The following ZNF566 variants were observed in gnomAD, a reference collection of about 807,000 sequenced individuals.
The protein encoded by ZNF566 is zinc finger protein 566.
ZNF566 carries 27 observed loss-of-function variants against 32.8 expected under a neutral mutation model. The observed-to-expected ratio is 0.82, with a 90% CI of 0.61 to 1.14. The LOEUF (loss-of-function observed/expected upper bound fraction) is 1.14. Ranked by LOEUF, ZNF566 falls within the 50% of genes most tolerant of loss-of-function variation. The pLI is 0.00. For missense variants in ZNF566, 402 were observed against 490.4 expected, an observed-to-expected ratio of 0.82 and a Z score of 1.70; for synonymous variants, 154 against 159.5, an observed-to-expected ratio of 0.97 and a Z score of 0.26.
chr19:36,475,616 C>G (rs749840352), intron 2 of ZNF566, among the ~76,000 whole-genome samples: 10 of 152,144 alleles, frequency 6.6e-5, no homozygotes, highest in Non-Finnish European at 1.5e-4. Flanking sequence ...ATGTGGGGAA[C>G]ACATTTCTGC....
At chr19:36,480,671 C>A (rs528781753) in intron 1 of ZNF566, among the ~76,000 whole-genome samples, 4 of 150,584 alleles carry the variant, frequency 2.7e-5, no homozygotes, top group African/African-American at 9.8e-5. Flanking sequence ...AAAAAATTAA[C>A]CTTTACCCCA....
At position 36,447,266 on chromosome 19, in the gene ZNF566, C is replaced by T. The variant is rs1225823085; in HGVS notation, c.*1711G>A. ...TCCTGGCCTCAAATGATCCTTCCAT[C>T]TCAGCCTCCCAAAGTGCTGGGATTA... On this transcript the variant is annotated 3_prime_UTR_variant, in exon 5 of 5. Transcript: ENST00000452939. 2 of 152,218 alleles carry T rather than the reference C, an allele frequency of 1.3e-5. No homozygotes were observed. Among genetic ancestry groups the T allele is most frequent in the African/African-American group, 2.4e-5 (1 of 41,454 alleles). The allele number at this position is 152,218 out of a possible 1,614,324, so 9.4% of individuals were successfully genotyped here.
chr19:36,458,393 C>A (rs1279011857), intron 4 of ZNF566, among the ~76,000 whole-genome samples: 1 of 151,912 alleles, frequency 6.6e-6, no homozygotes, highest in Non-Finnish European at 1.5e-5. Context: ...GTGAAATAAG[C>A]CAGGCACAGA....
chr19:36,461,140 C>T (rs902561415), intron 4 of ZNF566, among the ~76,000 whole-genome samples: 2 of 152,148 alleles, frequency 1.3e-5, no homozygotes, highest in African/African-American at 2.4e-5. Flanking sequence ...AGACAGCTGT[C>T]ATGTGAGAAT....
At chr19:36,465,750 G>A (rs1037889045) in intron 4 of ZNF566, among the ~76,000 whole-genome samples, 4 of 152,008 alleles carry the variant, frequency 2.6e-5, no homozygotes, top group African/African-American at 4.8e-5. Context: ...TGGGATTACA[G>A]GTGTTAGCCA....
intron 4 of ZNF566, among the ~76,000 whole-genome samples, chr19:36,453,556 A>G (rs1175862921): frequency 6.6e-6 from 1 of 151,162 alleles, no homozygotes; most frequent in East Asian, 1.9e-4. Context: ...ACCTACAATC[A>G]TTTGCTAATA....
intron 2 of ZNF566, 78 bp downstream of exon 2, chr19:36,476,471 C>A: frequency 7.4e-7 from 1 of 1,348,832 alleles, no homozygotes; most frequent in Non-Finnish European, 1.0e-6. Flanking sequence ...CAAAAAGCAT[C>A]ATCATGAGGA....
chr19:36,471,630 C>G (rs2033768322), intron 4 of ZNF566, among the ~76,000 whole-genome samples: 1 of 152,110 alleles, frequency 6.6e-6, no homozygotes, highest in African/African-American at 2.4e-5. Flanking sequence ...TATCCCCTTC[C>G]TCTACTTCTT....
At chr19:36,482,217 T>G (rs1462239837) in intron 1 of ZNF566, among the ~76,000 whole-genome samples, 1 of 152,234 alleles carries the variant, frequency 6.6e-6, no homozygotes, top group Admixed American at 6.5e-5. Flanking sequence ...GCCATTCTCC[T>G]GCCTCAGCCT....
intron 4 of ZNF566, among the ~76,000 whole-genome samples, chr19:36,459,818 AC>A (rs1029933567): frequency 5.8e-5 from 6 of 103,870 alleles, no homozygotes; most frequent in African/African-American, 1.8e-4. Context: ...GCCACCTATT[AC>A]TTTTTTTTTT....
chr19:36,466,958 A>C (rs2033628050), intron 4 of ZNF566, among the ~76,000 whole-genome samples: 1 of 150,266 alleles, frequency 6.7e-6, no homozygotes, highest in African/African-American at 2.5e-5. Context: ...AGTCCCAGCT[A>C]TTTGGGAGGC....
intron 4 of ZNF566, among the ~76,000 whole-genome samples, chr19:36,461,012 C>T (rs752237926): frequency 3.3e-5 from 5 of 152,140 alleles, no homozygotes; most frequent in Non-Finnish European, 7.3e-5. Context: ...TGCAAATGTA[C>T]ATTGCAGCTC....
chr19:36,452,671 T>C (rs1365781400), intron 4 of ZNF566, among the ~76,000 whole-genome samples: 20 of 151,906 alleles, frequency 1.3e-4, no homozygotes, highest in Non-Finnish European at 2.8e-4. Flanking sequence ...ATTTAACTTG[T>C]AAGAAACATC....
At position 36,473,345 on chromosome 19, in the gene ZNF566, G is replaced by A. The variant is rs1568526076; in HGVS notation, c.123C>T (p.Asn41=). 1 of 1,614,008 alleles carries A rather than the reference G, an allele frequency of 6.2e-7. No individual in the cohort carries two copies. The highest frequency in any genetic ancestry group is 8.5e-7 in the Non-Finnish European group (1 of 1,179,976). Residue 41 remains asparagine (N), a synonymous_variant, in exon 3 of 5, where the codon AAC becomes AAT. Transcript: ENST00000452939. ...YRDVMLENYS[N]LVSMGHSISK... ...AGATGTCCTTACCCATTGAAACCAG[G>A]TTGCTGTAATTCTCCAACATCACAT...
At chr19:36,458,965 T>A (rs1383102844) in intron 4 of ZNF566, among the ~76,000 whole-genome samples, 1 of 152,214 alleles carries the variant, frequency 6.6e-6, no homozygotes, top group Admixed American at 6.5e-5. Flanking sequence ...GTGCTTCTCT[T>A]GCCTCAGCCT....
chr19:36,467,790 C>CAAAAAAAAAAAAAAAAAAAAAAAAAAAA (rs560803094), intron 4 of ZNF566, among the ~76,000 whole-genome samples: 1 of 85,918 alleles, frequency 1.2e-5, no homozygotes, highest in Admixed American at 1.7e-4. Flanking sequence ...GACTCCATCT[C>CAAAAAAAAAAAAAAAAAAAAAAAAAAAA]AAAAAAAAAA....
At chr19:36,472,452 T>C (rs1166091306) in intron 4 of ZNF566, among the ~76,000 whole-genome samples, 2 of 152,230 alleles carry the variant, frequency 1.3e-5, no homozygotes, top group Admixed American at 1.3e-4. Flanking sequence ...GAGTGCCTTA[T>C]ACATGTTAGA....
intron 4 of ZNF566, among the ~76,000 whole-genome samples, chr19:36,471,604 A>G (rs1401545218): frequency 6.6e-6 from 1 of 152,144 alleles, no homozygotes; most frequent in Non-Finnish European, 1.5e-5. Context: ...GCCCCTTCAC[A>G]TAAAATATCA....
intron 1 of ZNF566, among the ~76,000 whole-genome samples, chr19:36,487,102 AAAAAC>A (rs2033284236): frequency 6.7e-6 from 1 of 150,234 alleles, no homozygotes; most frequent in Non-Finnish European, 1.5e-5. Context: ...AAAAAAAAAA[AAAAAC>A]AAACCAAAAC....
Sources: gnomAD v4.1 joint callset for allele counts (sites outside exome capture counted in the v4.1 genomes callset) on GRCh38, gnomAD v4.1.1 for gene constraint, MANE v1.5 for transcripts, NCBI Gene and HGNC (gene_info 2026-07-23, HGNC 2026-07-21) for gene names.